Variants in TRIO observed in about 807,000 individuals in gnomAD.
TRIO encodes triple functional domain protein.
In TRIO, 58 loss-of-function variants were observed where a neutral mutation model predicts 351.9. That is an observed-to-expected ratio of 0.16 (90% CI 0.13 to 0.21). TRIO has a LOEUF of 0.21. TRIO is among the 10% of genes least tolerant of loss of function. The probability of loss-of-function intolerance (pLI) is 1.00; values close to 1 mark genes in which losing one functional copy is unlikely to be tolerated. For synonymous variants in TRIO, 1,758 were observed against 1,595.7 expected (o/e 1.10, Z -2.42); for missense variants, 3,201 against 4,027.8 (o/e 0.79, Z 5.56).
At chr5:14,163,242 C>T (rs1459594613) in intron 1 of TRIO, among the ~76,000 whole-genome samples, 1 of 152,136 alleles carries the variant, frequency 6.6e-6, no homozygotes, top group Non-Finnish European at 1.5e-5. Context: ...CATTGTTCAA[C>T]TCTTACTTAT....
chr5:14,437,247 AG>A (rs1442106149), intron 34 of TRIO, among the ~76,000 whole-genome samples: 1 of 152,192 alleles, frequency 6.6e-6, no homozygotes, highest in Non-Finnish European at 1.5e-5. Context: ...TCACTATAGT[AG>A]TTTCAGAATT....
intron 7 of TRIO, among the ~76,000 whole-genome samples, chr5:14,303,817 C>T (rs1163069747): frequency 3.9e-5 from 6 of 152,178 alleles, no homozygotes; most frequent in African/African-American, 9.7e-5. Context: ...GAATGATGCC[C>T]CTGCCTCCTT....
intron 11 of TRIO, among the ~76,000 whole-genome samples, chr5:14,352,024 G>A (rs900414309): frequency 1.6e-4 from 25 of 152,228 alleles, no homozygotes; most frequent in African/African-American, 5.8e-4. Flanking sequence ...TTCCAGCAGA[G>A]CTGTGGGGCC....
At chr5:14,308,938 G>C (rs962096701) in intron 8 of TRIO, among the ~76,000 whole-genome samples, 2 of 150,908 alleles carry the variant, frequency 1.3e-5, no homozygotes, top group Non-Finnish European at 3.0e-5. Flanking sequence ...CATCCACCCA[G>C]TCACCCAACC....
intron 2 of TRIO, among the ~76,000 whole-genome samples, chr5:14,274,973 A>T (rs164863): frequency 0.48 from 73,365 of 151,946 alleles, 18,727 homozygotes; most frequent in East Asian, 0.58. Flanking sequence ...GTAGGAAACA[A>T]TACAGGTTGC....
chr5:14,292,931 T>G lies in TRIO; in HGVS notation c.1054-81T>G, dbSNP rs190099218. On this transcript the variant is annotated intron_variant, in intron 5 of 56. Coordinates refer to ENST00000344204, the MANE Select transcript of TRIO (RefSeq NM_007118.4). ...GTCCAGGGAAGGAAGTTGCCCTTTC[T>G]TGGTACTGCCCCATCTGTGGGCTTG... 1.8e-5 allele frequency: 28 copies of G among 1,590,702 alleles called. No individual in the cohort carries two copies. In the East Asian group the frequency reaches 4.5e-4, roughly 26 times the overall value.
intron 54 of TRIO, among the ~76,000 whole-genome samples, chr5:14,503,684 C>T (rs1436873178): frequency 6.6e-6 from 1 of 152,244 alleles, no homozygotes; most frequent in East Asian, 1.9e-4. Flanking sequence ...CCAGAGCCAG[C>T]CCCAGGCAGC....
chr5:14,186,257 C>G (rs986265223), intron 1 of TRIO, among the ~76,000 whole-genome samples: 3 of 152,216 alleles, frequency 2.0e-5, no homozygotes, highest in South Asian at 4.1e-4. Context: ...GCCTTCCCAA[C>G]TCTCAAACAT....
intron 1 of TRIO, among the ~76,000 whole-genome samples, chr5:14,239,458 G>A (rs78067524): frequency 6.6e-6 from 1 of 152,250 alleles, no homozygotes; most frequent in East Asian, 1.9e-4. Flanking sequence ...GAGAAATAGC[G>A]TTCATCTCCC....
intron 48 of TRIO, among the ~76,000 whole-genome samples, chr5:14,491,076 G>A (rs55887638): frequency 0.011 from 1,621 of 142,946 alleles, 34 homozygotes; most frequent in African/African-American, 0.042. Context: ...GGGCAGCACC[G>A]CCATGTTTTT....
chr5:14,230,483 A>T (rs1407759693), intron 1 of TRIO, among the ~76,000 whole-genome samples: 1 of 152,234 alleles, frequency 6.6e-6, no homozygotes, highest in Admixed American at 6.5e-5. Flanking sequence ...AGGAGCATGC[A>T]GGTGAGGATC....
intron 13 of TRIO, among the ~76,000 whole-genome samples, chr5:14,361,429 G>A (rs1744144067): frequency 1.3e-5 from 2 of 152,204 alleles, no homozygotes; most frequent in South Asian, 4.1e-4. Flanking sequence ...TCTCAGGCCA[G>A]CTTCAGATAT....
At chr5:14,460,947 G>C in intron 34 of TRIO, 72 bp from the exon 35 acceptor site, 1 of 1,443,532 alleles carries the variant, frequency 6.9e-7, no homozygotes, top group South Asian at 1.5e-5. Context: ...GCAGCCTGCG[G>C]GATAATGGCA....
At chr5:14,434,374 T>TA (rs1751419004) in intron 34 of TRIO, among the ~76,000 whole-genome samples, 1 of 152,194 alleles carries the variant, frequency 6.6e-6, no homozygotes, top group Non-Finnish European at 1.5e-5. Context: ...ATTTGTCTGA[T>TA]ACGTTTCTTT....
intron 1 of TRIO, among the ~76,000 whole-genome samples, chr5:14,255,175 A>G (rs1170382334): frequency 1.3e-5 from 2 of 152,248 alleles, no homozygotes; most frequent in Non-Finnish European, 2.9e-5. Flanking sequence ...GACGGACAAT[A>G]CAAGCTTTAA....
chr5:14,316,444 A>G, intron 8 of TRIO, 69 bp from the exon 9 acceptor site: 1 of 1,516,926 alleles, frequency 6.6e-7, no homozygotes, highest in Non-Finnish European at 9.0e-7. Flanking sequence ...GTATCCAAGG[A>G]CAGCATCTGT....
At chr5:14,154,418 G>A (rs1449823330) in intron 1 of TRIO, among the ~76,000 whole-genome samples, 1 of 152,032 alleles carries the variant, frequency 6.6e-6, no homozygotes, top group Non-Finnish European at 1.5e-5. Flanking sequence ...GTCACTCCTG[G>A]TTTTGCTATA....
In TRIO at chr5:14,333,030, A is replaced by G. The variant is rs142100803; in HGVS notation, c.1854+2130A>G. On this transcript the variant is annotated intron_variant, in intron 10 of 56. Coordinates refer to ENST00000344204, the MANE Select transcript of TRIO (RefSeq NM_007118.4). ...TTCAGCTGCAGGACCAGTTTTTACTAAAGACGGCCAGAGGCTGTATTTGGA... is the reference window on the plus strand; with the variant it reads ...TTCAGCTGCAGGACCAGTTTTTACTGAAGACGGCCAGAGGCTGTATTTGGA... 3.7e-3 allele frequency among the ~76,000 whole-genome samples: 556 copies of G among 152,310 alleles called. 3 individuals carry two copies. The highest frequency in any genetic ancestry group is 5.4e-3 in the Non-Finnish European group (366 of 68,014).
At chr5:14,398,683 T>C (rs985129440) in intron 29 of TRIO, among the ~76,000 whole-genome samples, 197 bp from the exon 30 acceptor site, 6 of 152,084 alleles carry the variant, frequency 3.9e-5, no homozygotes, top group Non-Finnish European at 2.9e-5. Flanking sequence ...GGAAAATATA[T>C]GTAAAGTGGT....
Sources: gnomAD v4.1 joint callset for allele counts (sites outside exome capture counted in the v4.1 genomes callset) on GRCh38, gnomAD v4.1.1 for gene constraint, MANE v1.5 for transcripts, NCBI Gene and HGNC (gene_info 2026-07-23, HGNC 2026-07-21) for gene names.